The following CPQ variants were observed in gnomAD, a reference collection of about 807,000 sequenced individuals.
CPQ encodes carboxypeptidase Q.
In CPQ, 37 loss-of-function variants were observed where a neutral mutation model predicts 45.7. The ratio of observed to expected loss-of-function variants is 0.81; its 90% CI spans 0.62 to 1.07. The LOEUF is 1.07. Ranked by LOEUF, CPQ falls within the 50% of genes least tolerant of loss-of-function variation. The probability of loss-of-function intolerance (pLI) is 0.00; values close to 1 mark genes in which losing one functional copy is unlikely to be tolerated. For missense variants in CPQ, 537 were observed against 572.9 expected (o/e 0.94, Z 0.64); for synonymous variants, 186 against 205.8 (o/e 0.90, Z 0.82).
intron 3 of CPQ, among the ~76,000 whole-genome samples, chr8:96,865,058 T>C (rs1811978207): frequency 6.6e-6 from 1 of 151,926 alleles, no homozygotes; most frequent in Admixed American, 6.6e-5. Context: ...AGTGACAAAA[T>C]GTTAGGTGTT....
Position 96,982,889 on chromosome 8 carries a change from G to T in CPQ, c.961+16843G>T, listed in dbSNP as rs1813930440. Among the ~76,000 whole-genome samples, 3 of 152,170 alleles carry T rather than the reference G, an allele frequency of 2.0e-5. No individual in the cohort carries two copies. In the East Asian group the frequency reaches 5.8e-4, roughly 29 times the overall value. ...AAATCTCATATTTCTTTTTTGTAAG[G>T]TTGTTTTTTATTCTTTGCCCTTTTT... is the stretch of plus-strand genomic sequence containing the variant. On this transcript the variant is annotated intron_variant, in intron 5 of 7. Transcript: ENST00000220763.
At chr8:96,839,569 T>C (rs191153836) in intron 3 of CPQ, among the ~76,000 whole-genome samples, 4 of 152,278 alleles carry the variant, frequency 2.6e-5, no homozygotes, top group Admixed American at 2.0e-4. Context: ...ATGGAACAAT[T>C]TGTCTTGCAT....
chr8:96,911,070 A>G (rs908451667), intron 4 of CPQ, among the ~76,000 whole-genome samples: 1 of 152,086 alleles, frequency 6.6e-6, no homozygotes, highest in African/African-American at 2.4e-5. Flanking sequence ...TGATGTGAAT[A>G]CTATAAGACC....
At chr8:96,919,018 G>T (rs1429436676) in intron 4 of CPQ, among the ~76,000 whole-genome samples, 1 of 151,988 alleles carries the variant, frequency 6.6e-6, no homozygotes, top group Non-Finnish European at 1.5e-5. Flanking sequence ...CCCTAAGATT[G>T]CCCCATGGGT....
At chr8:96,880,494 CTGGCTAAAAA>C (rs1423290304) in intron 4 of CPQ, among the ~76,000 whole-genome samples, 14 of 137,826 alleles carry the variant, frequency 1.0e-4, no homozygotes, top group Admixed American at 2.3e-4. Context: ...CAATGGTGGG[CTGGCTAAAAA>C]ACAAATATAT....
At chr8:96,815,749 G>A (rs1256039361) in intron 2 of CPQ, among the ~76,000 whole-genome samples, 3 of 152,018 alleles carry the variant, frequency 2.0e-5, no homozygotes, top group Non-Finnish European at 4.4e-5. Flanking sequence ...GATATTGTGG[G>A]TTTTGATTCT....
chr8:96,835,347 ATCT>A (rs1811516638), intron 3 of CPQ, among the ~76,000 whole-genome samples, 167 bp downstream of exon 3: 1 of 152,170 alleles, frequency 6.6e-6, no homozygotes, highest in Non-Finnish European at 1.5e-5. Context: ...TGTTTGTAAT[ATCT>A]TCTTTGGCTT....
At chr8:97,127,245 A>G (rs1228588787) in intron 7 of CPQ, among the ~76,000 whole-genome samples, 2 of 152,244 alleles carry the variant, frequency 1.3e-5, no homozygotes, top group African/African-American at 4.8e-5. Context: ...AGAAAATACA[A>G]TACATACGTC....
chr8:96,997,730 C>T (rs1242786255), intron 5 of CPQ, among the ~76,000 whole-genome samples: 1 of 151,958 alleles, frequency 6.6e-6, no homozygotes, highest in Non-Finnish European at 1.5e-5. Flanking sequence ...TTTCACTTGA[C>T]TTGAGGCTTC....
At chr8:97,122,992 T>A (rs1258441731) in intron 7 of CPQ, among the ~76,000 whole-genome samples, 11 of 39,924 alleles carry the variant, frequency 2.8e-4, no homozygotes, top group South Asian at 1.2e-3. Context: ...TAAAATAAAA[T>A]AAAATAAAAT....
chr8:97,024,285 A>AG (rs1354028613), intron 5 of CPQ, among the ~76,000 whole-genome samples: 2 of 152,070 alleles, frequency 1.3e-5, no homozygotes, highest in Non-Finnish European at 2.9e-5. Context: ...TGAAGACACT[A>AG]GGGCTTCCCT....
intron 5 of CPQ, among the ~76,000 whole-genome samples, chr8:97,009,067 G>A (rs1454761668): frequency 2.0e-5 from 3 of 152,292 alleles, no homozygotes; most frequent in South Asian, 2.1e-4. Context: ...ATCCCATCTC[G>A]TCCTATCCAC....
intron 3 of CPQ, among the ~76,000 whole-genome samples, chr8:96,865,901 A>G (rs972011463): frequency 2.0e-5 from 3 of 152,090 alleles, no homozygotes; most frequent in African/African-American, 4.8e-5. Flanking sequence ...CTAGACATAT[A>G]TAGATAAATA....
At chr8:97,030,140 C>T (rs954958010) in intron 6 of CPQ, among the ~76,000 whole-genome samples, 1 of 152,186 alleles carries the variant, frequency 6.6e-6, no homozygotes, top group Non-Finnish European at 1.5e-5. Context: ...AATATACAAG[C>T]TGAGAAATAC....
intron 1 of CPQ, among the ~76,000 whole-genome samples, chr8:96,679,736 A>G (rs770251719): frequency 2.0e-4 from 29 of 143,650 alleles, no homozygotes; most frequent in Non-Finnish European, 2.7e-4. Flanking sequence ...GATTCTTTGT[A>G]TTTCTGTGGT....
At chr8:96,869,487 T>A (rs916658051) in intron 3 of CPQ, among the ~76,000 whole-genome samples, 1 of 152,110 alleles carries the variant, frequency 6.6e-6, no homozygotes, top group Non-Finnish European at 1.5e-5. Flanking sequence ...GCCAGTTGCT[T>A]GATAGCAGGG....
intron 2 of CPQ, among the ~76,000 whole-genome samples, chr8:96,803,935 A>C (rs1195254212): frequency 1.3e-5 from 2 of 152,190 alleles, no homozygotes; most frequent in Non-Finnish European, 2.9e-5. Flanking sequence ...CAGTGTGCCC[A>C]GGTCAAGGTG....
chr8:97,054,953 G>C (rs1041950651), intron 6 of CPQ, among the ~76,000 whole-genome samples: 1 of 152,102 alleles, frequency 6.6e-6, no homozygotes, highest in East Asian at 1.9e-4. Context: ...TAGAGTTCAG[G>C]GGGGAAGTCT....
intron 1 of CPQ, among the ~76,000 whole-genome samples, chr8:96,743,118 A>C (rs547281294): frequency 1.3e-5 from 2 of 152,294 alleles, no homozygotes; most frequent in South Asian, 4.2e-4. Flanking sequence ...CACACCAATC[A>C]GACGTAGATT....
Sources: gnomAD v4.1 joint callset for allele counts (sites outside exome capture counted in the v4.1 genomes callset) on GRCh38, gnomAD v4.1.1 for gene constraint, MANE v1.5 for transcripts, NCBI Gene and HGNC (gene_info 2026-07-23, HGNC 2026-07-21) for gene names.